LRP2: variants seen among roughly 807,000 people sequenced by gnomAD.
The protein encoded by LRP2 is low-density lipoprotein receptor-related protein 2.
LRP2 carries 172 observed loss-of-function variants against 531.0 expected under a neutral mutation model. That is an observed-to-expected ratio of 0.32 (90% CI 0.29 to 0.37). LRP2 has a LOEUF of 0.37. LRP2 is among the 10% of genes least tolerant of loss of function. LRP2 has a pLI of 1.00. For synonymous variants in LRP2, 1,992 were observed against 2,027.6 expected, an observed-to-expected ratio of 0.98 and a Z score of 0.47; for missense variants, 5,167 against 5,868.3, an observed-to-expected ratio of 0.88 and a Z score of 3.90.
At position 169,146,851 on chromosome 2, in the gene LRP2, G is replaced by A. The variant is rs1354247453; in HGVS notation, c.12699C>T (p.Gly4233=). The A allele has an allele frequency of 6.2e-7, 1 of 1,614,174 alleles. No individual in the cohort carries two copies. Among genetic ancestry groups the A allele is most frequent in the Non-Finnish European group, 8.5e-7 (1 of 1,180,008 alleles). The change falls in exon 69 of 79, where the codon GGC becomes GGT. Residue 4233 remains glycine, a synonymous_variant. Transcript: ENST00000649046. ...LVFEDLGWPT[G]LSIDYLNNDR... is the part of the protein sequence containing the mutation. ...CATTGTTCAAATAATCGATAGAAAG[G>A]CCAGTTGGCCAACCAAGGTCCTCGA... is the stretch of plus-strand genomic sequence containing the variant.
chr2:169,132,814 T>C (rs1477391226), intron 76 of LRP2, 133 bp from the exon 77 acceptor site: 1 of 687,624 alleles, frequency 1.5e-6, no homozygotes, highest in African/African-American at 1.8e-5. Context: ...GCACCATTTT[T>C]ATTGCATGAC....
At chr2:169,135,231 T>G (rs1342710573) in intron 76 of LRP2, among the ~76,000 whole-genome samples, 1 of 152,166 alleles carries the variant, frequency 6.6e-6, no homozygotes, top group African/African-American at 2.4e-5. Flanking sequence ...GCTATTCTAC[T>G]ACTCCTCAGG....
At chr2:169,278,438 T>C (rs1683614829) in intron 12 of LRP2, among the ~76,000 whole-genome samples, 1 of 151,958 alleles carries the variant, frequency 6.6e-6, no homozygotes, top group Admixed American at 6.6e-5. Context: ...ACGCTGTGAT[T>C]GTGCTGCTGC....
intron 10 of LRP2, among the ~76,000 whole-genome samples, chr2:169,281,889 T>A (rs1478172400): frequency 1.3e-5 from 2 of 152,124 alleles, no homozygotes; most frequent in East Asian, 3.8e-4. Flanking sequence ...AATATCTATA[T>A]TTGTATGTTC....
At chr2:169,255,641 G>A (rs1336216902) in intron 19 of LRP2, among the ~76,000 whole-genome samples, 1 of 152,164 alleles carries the variant, frequency 6.6e-6, no homozygotes, top group Non-Finnish European at 1.5e-5. Flanking sequence ...CATTCAGTCA[G>A]CATATAGTTG....
In LRP2 at chr2:169,175,197, A is replaced by T. The variant is rs368682597; in HGVS notation, c.10764T>A (p.Leu3588=). The change falls in exon 55 of 79, where the codon CTT becomes CTA. Residue 3588 remains leucine, a synonymous_variant. Transcript: ENST00000649046. Reference sequence around the variant, plus strand: ...GCATAAAGCGACTCAACACACCACAAAGAAGACGGTCTTCATCAGACCCAT... The same window carrying T: ...GCATAAAGCGACTCAACACACCACATAGAAGACGGTCTTCATCAGACCCAT... ...CPDGSDEDRL[L]CENHHCDSNE... 2 of 1,613,984 alleles carry T rather than the reference A, an allele frequency of 1.2e-6. No individual in the cohort carries two copies. Among genetic ancestry groups the T allele is most frequent in the South Asian group, 2.2e-5 (2 of 91,090 alleles).
intron 70 of LRP2, among the ~76,000 whole-genome samples, chr2:169,145,049 G>A (rs539797833): frequency 2.0e-5 from 3 of 152,348 alleles, no homozygotes; most frequent in Non-Finnish European, 2.9e-5. Flanking sequence ...CTTTATTTGA[G>A]ATGAGAATAA....
At chr2:169,179,592 C>T (rs894858315) in intron 52 of LRP2, among the ~76,000 whole-genome samples, 8 of 152,020 alleles carry the variant, frequency 5.3e-5, no homozygotes, top group Admixed American at 4.6e-4. Context: ...TGGTGGTGCA[C>T]GCCTGTAATA....
Position 169,270,995 on chromosome 2 carries a change from A to T in LRP2, c.2229T>A (p.Phe743Leu). 6.2e-7 allele frequency: 1 copy of T among 1,613,426 alleles called. No homozygotes were observed. The highest frequency in any genetic ancestry group is 8.5e-7 in the Non-Finnish European group (1 of 1,179,646). The stretch of plus-strand genomic sequence containing the variant: ...CCTGGGCGTCAAAATCAATCCCGAC[A>T]AAGAAAGAAGGATTCCCCGAAACTG... ...MVPVSGNPSFFVGIDFDAQDS... is the reference protein window; with the variant it reads ...MVPVSGNPSFLVGIDFDAQDS... The change falls in exon 16 of 79, where the codon TTT becomes TTA. Residue 743 changes from phenylalanine (F) to leucine (L), a missense_variant. Phe to Leu is a conservative substitution (Grantham distance 22). Coordinates refer to ENST00000649046, the MANE Select transcript of LRP2 (RefSeq NM_004525.3).
At chr2:169,268,642 T>A (rs1683304814) in intron 16 of LRP2, among the ~76,000 whole-genome samples, 1 of 152,192 alleles carries the variant, frequency 6.6e-6, no homozygotes, top group Non-Finnish European at 1.5e-5. Flanking sequence ...CCACAGCCAA[T>A]ATCATACTGA....
At chr2:169,131,072 T>C (rs1301252547) in intron 77 of LRP2, among the ~76,000 whole-genome samples, 1 of 152,168 alleles carries the variant, frequency 6.6e-6, no homozygotes, top group East Asian at 1.9e-4. Flanking sequence ...TGGCACTAGC[T>C]TGGGGTTGAC....
At chr2:169,229,818 A>C (rs533343545) in intron 31 of LRP2, among the ~76,000 whole-genome samples, 1 of 152,324 alleles carries the variant, frequency 6.6e-6, no homozygotes, top group South Asian at 2.1e-4. Flanking sequence ...ACTTAACAGC[A>C]TCACAGAAGC....
chr2:169,337,458 C>T (rs1432515060), intron 1 of LRP2, among the ~76,000 whole-genome samples: 1 of 152,132 alleles, frequency 6.6e-6, no homozygotes, highest in Non-Finnish European at 1.5e-5. Context: ...CACAGGCCAG[C>T]CCAAATACAG....
In LRP2 at chr2:169,150,731, T is replaced by A. The variant is rs75313566; in HGVS notation, c.12590+167A>T. ...CCCATCAGAAATGGTTGGTTCTATATGATCTCAAGGGCATGTTATAATTCT... is the reference window on the plus strand; with the variant it reads ...CCCATCAGAAATGGTTGGTTCTATAAGATCTCAAGGGCATGTTATAATTCT... On this transcript the variant is annotated intron_variant, in intron 68 of 78. Transcript: ENST00000649046. Among the ~76,000 whole-genome samples the A allele has an allele frequency of 0.012, 1,778 of 152,308 alleles. 35 individuals carry two copies. The highest frequency in any genetic ancestry group is 0.039 in the African/African-American group (1,641 of 41,568).
chr2:169,183,425 T>C (rs527535489), intron 50 of LRP2, among the ~76,000 whole-genome samples: 15 of 152,222 alleles, frequency 9.9e-5, no homozygotes, highest in Non-Finnish European at 2.2e-4. Context: ...TAGTAGCTAA[T>C]TATTGAACAC....
chr2:169,207,335 T>C (rs988589353), intron 38 of LRP2, 85 bp from the exon 39 acceptor site: 1 of 941,948 alleles, frequency 1.1e-6, no homozygotes, highest in Admixed American at 1.9e-5. Context: ...GAACAAAATA[T>C]ATAAGGTTGA....
chr2:169,164,437 G>C (rs905895363), intron 62 of LRP2, among the ~76,000 whole-genome samples: 1 of 152,212 alleles, frequency 6.6e-6, no homozygotes, highest in African/African-American at 2.4e-5. Flanking sequence ...AGTGACACAA[G>C]GGTAAATTGT....
At position 169,147,925 on chromosome 2, in the gene LRP2, A is replaced by G. The variant is rs1685976550; in HGVS notation, c.12591-966T>C. Among the ~76,000 whole-genome samples the G allele has an allele frequency of 1.4e-5, 2 of 144,684 alleles. 1 individual carries two copies. The highest frequency in any genetic ancestry group is 4.5e-4 in the South Asian group (2 of 4,472). 94.9% of individuals were successfully genotyped at this position (144,684 alleles called of 152,430 possible). On this transcript the variant is annotated intron_variant, in intron 68 of 78. Transcript: ENST00000649046. ...TTTTCTTTCTTTTCTTAAATTTTAAATGTCAGCACTATGTTAAAAAAAAAA... is the reference window on the plus strand; with the variant it reads ...TTTTCTTTCTTTTCTTAAATTTTAAGTGTCAGCACTATGTTAAAAAAAAAA...
At chr2:169,151,769 A>G (rs1389161908) in intron 67 of LRP2, among the ~76,000 whole-genome samples, 1 of 152,168 alleles carries the variant, frequency 6.6e-6, no homozygotes, top group Non-Finnish European at 1.5e-5. Context: ...GGTTTTCAGA[A>G]GAGAGTGTTA....
Sources: gnomAD v4.1 joint callset for allele counts (sites outside exome capture counted in the v4.1 genomes callset) on GRCh38, gnomAD v4.1.1 for gene constraint, MANE v1.5 for transcripts, NCBI Gene and HGNC (gene_info 2026-07-23, HGNC 2026-07-21) for gene names.